GCNT2: variants seen among roughly 807,000 people sequenced by gnomAD.
GCNT2 encodes the protein glucosaminyl (N-acetyl) transferase 2 (I blood group), also known as N-acetyllactosaminide beta-1,6-N-acetylglucosaminyl-transferase.
In GCNT2, 34 loss-of-function variants were observed where a neutral mutation model predicts 34.2. The observed-to-expected ratio is 1.00, with a 90% CI of 0.76 to 1.32. The LOEUF is 1.32. Among genes scored for constraint, GCNT2 ranks in the 40% most tolerant of loss-of-function variants. The pLI is 0.00. For synonymous variants in GCNT2, 212 were observed against 188.0 expected (o/e 1.13, Z -1.04); for missense variants, 584 against 489.4 (o/e 1.19, Z -1.82).
intron 3 of GCNT2, among the ~76,000 whole-genome samples, chr6:10,595,138 C>G (rs542468893): frequency 1.3e-5 from 2 of 151,858 alleles, no homozygotes; most frequent in South Asian, 4.2e-4. Context: ...GCTTCACTTA[C>G]CCCTTACATA....
chr6:10,610,411 G>A (rs1236157258), intron 3 of GCNT2, among the ~76,000 whole-genome samples: 1 of 152,202 alleles, frequency 6.6e-6, no homozygotes, highest in Non-Finnish European at 1.5e-5. Flanking sequence ...TTAGAAGAGT[G>A]TTTGACAAGA....
chr6:10,537,912 C>T (rs1345031273), intron 3 of GCNT2, among the ~76,000 whole-genome samples: 1 of 151,932 alleles, frequency 6.6e-6, no homozygotes, highest in Non-Finnish European at 1.5e-5. Context: ...TTCTTGAATA[C>T]AGTGCACTAT....
chr6:10,530,614 T>TA (rs1761440426), intron 3 of GCNT2, among the ~76,000 whole-genome samples: 2 of 151,430 alleles, frequency 1.3e-5, no homozygotes, highest in Non-Finnish European at 2.9e-5. Flanking sequence ...CTCACGCCTG[T>TA]AATCCCAGCG....
rs192898842 is a variant in GCNT2 at position 10,538,404 on chromosome 6, G to A, written c.925+8568G>A. 1.6e-4 allele frequency among the ~76,000 whole-genome samples: 12 copies of A among 74,426 alleles called. No individual in the cohort carries two copies. In the Admixed American group the frequency reaches 2.1e-3, roughly 13 times the overall value. The allele number at this position is 74,426 out of a possible 152,430, so 48.8% of individuals were successfully genotyped here. A position where few individuals can be genotyped will look rare whatever the true frequency, so the allele number is the denominator to read the frequency against. ...GCCTGGGCGACAAGAGTGAGACTCC[G>A]TCTCAAAAAAAAAAAAAAAAAAAAA... On this transcript the variant is annotated intron_variant, in intron 3 of 4. Coordinates refer to ENST00000495262, the MANE Select transcript of GCNT2 (RefSeq NM_145649.5).
intron 3 of GCNT2, chr6:10,586,526 C>T: frequency 6.2e-7 from 1 of 1,614,160 alleles, no homozygotes; most frequent in Non-Finnish European, 8.5e-7. Flanking sequence ...ACCTTGTCGC[C>T]TCTGAGGTTC....
At chr6:10,522,060 G>C (rs1760941683) in intron 1 of GCNT2, among the ~76,000 whole-genome samples, 2 of 151,814 alleles carry the variant, frequency 1.3e-5, no homozygotes. Context: ...GCTAATTTTT[G>C]TATCTTTAGT....
chr6:10,586,345 T>C, intron 3 of GCNT2: 1 of 1,614,122 alleles, frequency 6.2e-7, no homozygotes, highest in Non-Finnish European at 8.5e-7. Flanking sequence ...GCTATCTATA[T>C]GCCCCAAAAT....
In GCNT2 at chr6:10,529,794, A is replaced by G. The variant is rs1561778785; in HGVS notation, c.883A>G (p.Ser295Gly). 1.9e-6 allele frequency: 3 copies of G among 1,614,012 alleles called. No individual in the cohort carries two copies. Among genetic ancestry groups the G allele is most frequent in the African/African-American group, 1.3e-5 (1 of 74,928 alleles). Residue 295 changes from serine (S) to glycine (G), a missense_variant, in exon 3 of 5, where the codon AGC becomes GGC. By Grantham distance (56) the Ser-to-Gly change is moderately conservative. Transcript: ENST00000495262. ...ACTCTCCTGGTCCAAGGACACCTAC[A>G]GCCCCGACGAACATTTCTGGGTGAC... ...DLLSWSKDTY[S>G]PDEHFWVTLN...
chr6:10,598,373 C>G (rs1001790868), intron 3 of GCNT2, among the ~76,000 whole-genome samples: 7 of 152,208 alleles, frequency 4.6e-5, no homozygotes, highest in African/African-American at 1.4e-4. Context: ...ATCTCTCCCC[C>G]TTCTCCCTCT....
intron 3 of GCNT2, among the ~76,000 whole-genome samples, chr6:10,554,911 A>G (rs1762626156): frequency 6.6e-6 from 1 of 152,192 alleles, no homozygotes; most frequent in South Asian, 2.1e-4. Flanking sequence ...TGAAAGTTAG[A>G]AGAATGGAAG....
intron 3 of GCNT2, among the ~76,000 whole-genome samples, chr6:10,576,089 C>G (rs186229393): frequency 1.3e-5 from 2 of 152,158 alleles, no homozygotes; most frequent in Admixed American, 6.5e-5. Context: ...AGGCTGGTCT[C>G]GAACTCCTGA....
At chr6:10,561,032 C>G (rs1281914073) in intron 3 of GCNT2, among the ~76,000 whole-genome samples, 9 of 152,234 alleles carry the variant, frequency 5.9e-5, no homozygotes, top group African/African-American at 1.9e-4. Context: ...CAGGCTGTGA[C>G]AGCCGTAACT....
chr6:10,568,896 G>A (rs1046730934), intron 3 of GCNT2, among the ~76,000 whole-genome samples: 5 of 152,092 alleles, frequency 3.3e-5, no homozygotes, highest in African/African-American at 1.2e-4. Flanking sequence ...AACACATCAT[G>A]TCATTGGTGT....
chr6:10,524,812 A>G (rs1408808998), intron 1 of GCNT2, among the ~76,000 whole-genome samples: 2 of 151,898 alleles, frequency 1.3e-5, no homozygotes, highest in African/African-American at 2.4e-5. Context: ...CTGAGTCACA[A>G]AAGCAAAACT....
chr6:10,555,306 A>T (rs759193929), intron 3 of GCNT2, among the ~76,000 whole-genome samples: 3 of 152,142 alleles, frequency 2.0e-5, no homozygotes, highest in South Asian at 2.1e-4. Context: ...AAAGTTGAAG[A>T]TGAGAACTTT....
chr6:10,563,327 T>TATA (rs548108861), intron 3 of GCNT2, among the ~76,000 whole-genome samples: 29 of 152,234 alleles, frequency 1.9e-4, no homozygotes, highest in Non-Finnish European at 4.0e-4. Flanking sequence ...GTCACTCTAT[T>TATA]ATATTTGGAC....
At chr6:10,549,709 G>A (rs1762409792) in intron 3 of GCNT2, among the ~76,000 whole-genome samples, 1 of 151,070 alleles carries the variant, frequency 6.6e-6, no homozygotes, top group South Asian at 2.1e-4. Flanking sequence ...GTAGCTCTCT[G>A]TCTCTCTTTT....
At position 10,586,371 on chromosome 6, in the gene GCNT2, G is replaced by T. The variant is rs542562729; in HGVS notation, c.926-34980G>T. 9 of 1,613,988 alleles carry T rather than the reference G, an allele frequency of 5.6e-6. No homozygotes were observed. In the African/African-American group the frequency reaches 8.0e-5, roughly 14 times the overall value. On this transcript the variant is annotated intron_variant, in intron 3 of 4. Coordinates refer to ENST00000495262, the MANE Select transcript of GCNT2 (RefSeq NM_145649.5). The stretch of plus-strand genomic sequence containing the variant: ...GCCCCAAAATGTCTACTGTGTTCAC[G>T]TGGATGAGAAAGCCCCAGCTGAGTA...
chr6:10,545,514 CTCTT>C (rs1484024806), intron 3 of GCNT2, among the ~76,000 whole-genome samples: 27 of 152,280 alleles, frequency 1.8e-4, no homozygotes, highest in Admixed American at 9.8e-4. Flanking sequence ...ATAACTGTGT[CTCTT>C]TCTAGTATTC....
Sources: allele counts gnomAD v4.1 joint callset (sites outside exome capture counted in the v4.1 genomes callset), GRCh38; gene constraint gnomAD v4.1.1; transcripts MANE v1.5; gene names NCBI Gene and HGNC (gene_info 2026-07-23, HGNC 2026-07-21).